BRD4: variants seen among roughly 807,000 people sequenced by gnomAD.
BRD4 encodes the protein bromodomain-containing protein 4.
In BRD4, 16 loss-of-function variants were observed where a neutral mutation model predicts 142.1. That is an observed-to-expected ratio of 0.11 (90% CI 0.08 to 0.17). BRD4 has a LOEUF of 0.17. Ranked by LOEUF, BRD4 falls within the 10% of genes least tolerant of loss-of-function variation. BRD4 has a pLI of 1.00. For missense variants in BRD4, 1,424 were observed against 1,810.9 expected (o/e 0.79, Z 3.88); for synonymous variants, 833 against 707.5 (o/e 1.18, Z -2.82).
rs2047527884 is a variant in BRD4, at chr19:15,265,731, G to A, written c.560-88C>T. ...CGTGGGGACATACACCACACACAGT[G>A]AACGCACATTCGCGTGTTGCATTTG... On this transcript the variant is annotated intron_variant, in intron 4 of 19. Coordinates refer to ENST00000679869, the MANE Select transcript of BRD4 (RefSeq NM_001379291.1). 5.1e-6 allele frequency: 7 copies of A among 1,382,412 alleles called. No individual in the cohort carries two copies. In the South Asian group the frequency reaches 7.0e-5, roughly 14 times the overall value. 85.6% of individuals were successfully genotyped at this position (1,382,412 alleles called of 1,614,324 possible).
chr19:15,279,176 A>G (rs1024403831), intron 1 of BRD4, among the ~76,000 whole-genome samples: 1 of 152,206 alleles, frequency 6.6e-6, no homozygotes, highest in African/African-American at 2.4e-5. Context: ...CTTTGCAATC[A>G]TAATATTTAA....
chr19:15,311,890 A>G (rs2047974244), intron 1 of BRD4, among the ~76,000 whole-genome samples: 1 of 152,240 alleles, frequency 6.6e-6, no homozygotes, highest in Non-Finnish European at 1.5e-5. Flanking sequence ...ACTCATAGAA[A>G]CAGAAAGTAG....
chr19:15,254,239 C>T lies in BRD4; in HGVS notation c.2071G>A (p.Gly691Ser), dbSNP rs774596084. 33 of 1,614,054 alleles carry T rather than the reference C, an allele frequency of 2.0e-5. No individual in the cohort carries two copies. The highest frequency in any genetic ancestry group is 2.0e-4 in the South Asian group (18 of 91,088). The change falls in exon 11 of 20, where the codon GGC becomes AGC. Residue 691 changes from glycine to serine, a missense_variant. By Grantham distance (56) the Gly-to-Ser change is moderately conservative (BLOSUM62 0). This residue lies in a region of BRD4 where 598 missense variants were observed against 647.8 expected (regional missense o/e 0.92). Transcript: ENST00000679869. ...PQAEKVDVIA[G>S]SSKMKGFSSS... The stretch of plus-strand genomic sequence containing the variant: ...GAGAAGCCCTTCATCTTGGAGGAGC[C>T]GGCAATCACATCAACTTTCTCAGCT...
intron 7 of BRD4, among the ~76,000 whole-genome samples, chr19:15,257,710 G>A (rs567217999): frequency 2.6e-5 from 4 of 152,216 alleles, no homozygotes; most frequent in East Asian, 1.9e-4. Flanking sequence ...GTTCTAAGTC[G>A]GTCTCCTCAT....
At chr19:15,253,458 G>A in intron 11 of BRD4, 1 of 1,225,456 alleles carries the variant, frequency 8.2e-7, no homozygotes, top group East Asian at 2.5e-5. Context: ...GGAACCCAGG[G>A]TCCAACGTGC....
chr19:15,305,208 T>TA (rs1194624155), intron 1 of BRD4, among the ~76,000 whole-genome samples: 4 of 152,020 alleles, frequency 2.6e-5, no homozygotes, highest in Admixed American at 6.6e-5. Context: ...CACGCCTGGC[T>TA]AATTTTGTAT....
chr19:15,244,680 C>A, intron 12 of BRD4, 30 bp downstream of exon 12: 3 of 1,614,102 alleles, frequency 1.9e-6, no homozygotes, highest in Non-Finnish European at 2.5e-6. Context: ...AACGTCCCAC[C>A]TAATGAAGGA....
chr19:15,282,574 C>G (rs1375636530), intron 1 of BRD4, among the ~76,000 whole-genome samples: 1 of 152,134 alleles, frequency 6.6e-6, no homozygotes, highest in Non-Finnish European at 1.5e-5. Flanking sequence ...GCCCTTCAGG[C>G]ACTACACCTG....
intron 1 of BRD4, among the ~76,000 whole-genome samples, chr19:15,277,091 T>C (rs778745554): frequency 3.3e-5 from 5 of 152,204 alleles, no homozygotes; most frequent in Non-Finnish European, 7.3e-5. Context: ...TAAAAACTGC[T>C]GCTCCCTCTC....
At chr19:15,286,243 C>A (rs142381524) in intron 1 of BRD4, among the ~76,000 whole-genome samples, 114 of 152,296 alleles carry the variant, frequency 7.5e-4, no homozygotes, top group African/African-American at 2.7e-3. Flanking sequence ...GAGCATAGCC[C>A]CTCCCCTGCA....
rs201386454 is a variant in BRD4 at position 15,238,196 on chromosome 19, G to A, written c.*181C>T. 9.1e-6 allele frequency: 9 copies of A among 989,688 alleles called. No homozygotes were observed. Among genetic ancestry groups the A allele is most frequent in the Admixed American group, 2.9e-5 (1 of 34,032 alleles). 61.3% of individuals were successfully genotyped at this position (989,688 alleles called of 1,614,324 possible). A position where few individuals can be genotyped will look rare whatever the true frequency, so the allele number is the denominator to read the frequency against. On this transcript the variant is annotated 3_prime_UTR_variant, in exon 20 of 20. Transcript: ENST00000679869. This position sits in a 1 kb window ranked among gnomAD's most constrained non-coding sequence, Gnocchi z 7.2. ...TGGCGGGACGTCTGTCCGACTGGCC[G>A]TAAGGCAGACAGGCTCTGCAATCCT...
chr19:15,242,842 G>A (rs1599432501), intron 14 of BRD4, 58 bp downstream of exon 14: 8 of 1,557,940 alleles, frequency 5.1e-6, no homozygotes, highest in East Asian at 2.4e-5. Context: ...GCTTCCTGAG[G>A]ACAAAACTAT....
chr19:15,277,717 G>A (rs1434128496), intron 1 of BRD4, among the ~76,000 whole-genome samples: 1 of 151,902 alleles, frequency 6.6e-6, no homozygotes, highest in Non-Finnish European at 1.5e-5. Flanking sequence ...TTAAACCCAG[G>A]AGGTGGAGGT....
At chr19:15,261,296 C>A (rs1057093977) in intron 7 of BRD4, among the ~76,000 whole-genome samples, 1 of 145,040 alleles carries the variant, frequency 6.9e-6, no homozygotes, top group Non-Finnish European at 1.5e-5. Context: ...ACCAGCCTGA[C>A]CAATCGGCAA....
intron 1 of BRD4, among the ~76,000 whole-genome samples, chr19:15,323,960 G>C (rs1346096000): frequency 1.3e-5 from 2 of 152,200 alleles, no homozygotes; most frequent in African/African-American, 4.8e-5. Flanking sequence ...TTTTGTCACT[G>C]TGCAGGCACA....
At chr19:15,300,721 C>A (rs1459709075) in intron 1 of BRD4, among the ~76,000 whole-genome samples, 4 of 152,012 alleles carry the variant, frequency 2.6e-5, no homozygotes, top group African/African-American at 9.7e-5. Flanking sequence ...CACAGCCACA[C>A]TGATACCACT....
chr19:15,242,827 T>C (rs1450201666), intron 14 of BRD4, 73 bp downstream of exon 14: 2 of 1,548,008 alleles, frequency 1.3e-6, no homozygotes, highest in African/African-American at 1.4e-5. Context: ...GAGTTAACCC[T>C]TCTGGCTTCC....
chr19:15,244,158 G>C (rs993972596), intron 13 of BRD4, 73 bp downstream of exon 13: 1 of 1,534,070 alleles, frequency 6.5e-7, no homozygotes, highest in African/African-American at 1.4e-5. Context: ...CCCAGCCAGA[G>C]TGCTCGGACA....
Position 15,265,385 on chromosome 19 carries a change from G to T in BRD4, c.818C>A (p.Pro273His). Residue 273 changes from proline to histidine, a missense_variant, in exon 5 of 20, where the codon CCC becomes CAC. This residue lies in a region of BRD4 where 140 missense variants were observed against 131.7 expected (regional missense o/e 1.06). Transcript: ENST00000679869. Reference sequence around the variant, plus strand: ...AGGCTGTGGGGTGGCCGCGATGATGGGTGGGTGGCTCTGTACGGGCTGGGG... The same window carrying T: ...AGGCTGTGGGGTGGCCGCGATGATGTGTGGGTGGCTCTGTACGGGCTGGGG... ...PAPQPVQSHP[P>H]IIAATPQPVK... 1 of 1,518,996 alleles carries T rather than the reference G, an allele frequency of 6.6e-7. No individual in the cohort carries two copies. The highest frequency in any genetic ancestry group is 2.3e-5 in the East Asian group (1 of 43,866). The allele number at this position is 1,518,996 out of a possible 1,614,324, so 94.1% of individuals were successfully genotyped here.
Sources: gnomAD v4.1 joint callset for allele counts (sites outside exome capture counted in the v4.1 genomes callset) on GRCh38, gnomAD v4.1.1 for gene constraint, gnomAD v4.1.1 regional missense constraint, Gnocchi (gnomAD v3.1) non-coding constraint, MANE v1.5 for transcripts, NCBI Gene and HGNC (gene_info 2026-07-23, HGNC 2026-07-21) for gene names.